The following NRG3 variants were observed in gnomAD, a reference collection of about 807,000 sequenced individuals.
The protein encoded by NRG3 is neuregulin 3.
A neutral mutation model predicts 66.9 loss-of-function variants in NRG3; 31 were observed. The observed-to-expected ratio is 0.46, with a 90% CI of 0.35 to 0.63. The LOEUF is 0.63. Among genes scored for constraint, NRG3 ranks in the 20% least tolerant of loss-of-function variants. NRG3 has a pLI of 0.00. For synonymous variants in NRG3, 393 were observed against 359.4 expected, an observed-to-expected ratio of 1.09 and a Z score of -1.06; for missense variants, 910 against 878.9, an observed-to-expected ratio of 1.04 and a Z score of -0.45.
intron 8 of NRG3, among the ~76,000 whole-genome samples, chr10:82,981,900 T>C (rs17688842): frequency 0.34 from 51,226 of 152,100 alleles, 9,139 homozygotes; most frequent in Middle Eastern, 0.41. Flanking sequence ...CAAAATGTAC[T>C]GAATACCTAC....
At chr10:82,432,584 T>G (rs2089893190) in intron 2 of NRG3, among the ~76,000 whole-genome samples, 1 of 151,512 alleles carries the variant, frequency 6.6e-6, no homozygotes, top group Non-Finnish European at 1.5e-5. Context: ...TTGCTGCACC[T>G]ACTGGCCCGT....
intron 1 of NRG3, among the ~76,000 whole-genome samples, chr10:82,213,011 C>T (rs189563131): frequency 2.6e-5 from 4 of 152,260 alleles, no homozygotes; most frequent in Admixed American, 6.5e-5. Flanking sequence ...GCCCTACTTT[C>T]GGTTCCCAGG....
In NRG3 at chr10:82,350,547, G is replaced by A. The variant is rs568598267; in HGVS notation, c.824-8192G>A. Among the ~76,000 whole-genome samples the A allele has an allele frequency of 8.5e-5, 13 of 152,306 alleles. No homozygotes were observed. In the Middle Eastern group the frequency reaches 0.01, roughly 120 times the overall value. ...ATACTTTCAGCCACTTCTAACCTGA[G>A]GAGCTAGGGAAAACTTCAGTATGTG... On this transcript the variant is annotated intron_variant, in intron 1 of 8. Coordinates refer to ENST00000372141, the MANE Select transcript of NRG3 (RefSeq NM_001010848.4).
At chr10:82,733,743 C>T (rs1371896439) in intron 2 of NRG3, among the ~76,000 whole-genome samples, 3 of 152,236 alleles carry the variant, frequency 2.0e-5, no homozygotes, top group Admixed American at 2.0e-4. Context: ...GTTTTCCTAA[C>T]AAGAGGAAGA....
At chr10:82,124,742 A>AG (rs1428143105) in intron 1 of NRG3, among the ~76,000 whole-genome samples, 1 of 151,886 alleles carries the variant, frequency 6.6e-6, no homozygotes, top group East Asian at 1.9e-4. Flanking sequence ...AAAAAAAAAA[A>AG]AGTTTAACAA....
At chr10:82,040,933 C>A (rs542527898) in intron 1 of NRG3, among the ~76,000 whole-genome samples, 1 of 152,140 alleles carries the variant, frequency 6.6e-6, no homozygotes, top group African/African-American at 2.4e-5. Context: ...TTTAGACATG[C>A]CCAAAGTGAA....
intron 2 of NRG3, among the ~76,000 whole-genome samples, chr10:82,388,820 T>A (rs1589950006): frequency 6.6e-6 from 1 of 152,334 alleles, no homozygotes; most frequent in East Asian, 1.9e-4. Flanking sequence ...GTCTGAGCTG[T>A]GTCTCACAAA....
At chr10:82,032,180 G>A (rs1455885576) in intron 1 of NRG3, among the ~76,000 whole-genome samples, 1 of 151,016 alleles carries the variant, frequency 6.6e-6, no homozygotes, top group Non-Finnish European at 1.5e-5. Flanking sequence ...TTCTGTTTAA[G>A]AGTCATGATG....
intron 1 of NRG3, among the ~76,000 whole-genome samples, chr10:81,915,585 A>G (rs1457496318): frequency 6.7e-6 from 1 of 148,322 alleles, no homozygotes; most frequent in Non-Finnish European, 1.5e-5. Flanking sequence ...TGAATCCACA[A>G]GTAATAAGGA....
intron 4 of NRG3, among the ~76,000 whole-genome samples, chr10:82,917,970 G>GTATATA (rs1171736937): frequency 1.8e-4 from 20 of 114,006 alleles, no homozygotes; most frequent in African/African-American, 6.6e-4. Context: ...GTGTGTGTGT[G>GTATATA]TATATATATA....
chr10:82,414,572 A>C (rs1253642900), intron 2 of NRG3, among the ~76,000 whole-genome samples: 1 of 152,200 alleles, frequency 6.6e-6, no homozygotes, highest in Non-Finnish European at 1.5e-5. Context: ...GGTTGTCACA[A>C]ACCTTTAATT....
chr10:82,231,660 G>T (rs1683297856), intron 1 of NRG3, among the ~76,000 whole-genome samples: 1 of 152,116 alleles, frequency 6.6e-6, no homozygotes, highest in South Asian at 2.1e-4. Context: ...TTCCATAATG[G>T]AAAATCTACA....
At chr10:82,861,219 TGA>T (rs1370271811) in intron 3 of NRG3, among the ~76,000 whole-genome samples, 4 of 152,124 alleles carry the variant, frequency 2.6e-5, no homozygotes, top group Admixed American at 2.6e-4. Context: ...ATAATTTACA[TGA>T]GAGTTAACTT....
chr10:82,462,056 G>T (rs1387161738), intron 2 of NRG3, among the ~76,000 whole-genome samples: 1 of 152,118 alleles, frequency 6.6e-6, no homozygotes, highest in East Asian at 1.9e-4. Flanking sequence ...GTTTGAACCC[G>T]GGAGGCGGAG....
At position 82,053,027 on chromosome 10, in the gene NRG3, GT is replaced by G. The variant is rs1178559275; in HGVS notation, c.823+176869del. On this transcript the variant is annotated intron_variant, in intron 1 of 8. Transcript: ENST00000372141. ...AAATTTATTAATTCATTTATCAAAT[GT>G]TTTTATTCATTCATTTATCAAATTA... Among the ~76,000 whole-genome samples the G allele has an allele frequency of 2.0e-5, 3 of 146,770 alleles. No individual in the cohort carries two copies. The Admixed American group carries it at 2.1e-4, about 10-fold the overall frequency.
At chr10:82,590,227 A>T (rs1479074791) in intron 2 of NRG3, among the ~76,000 whole-genome samples, 2 of 152,216 alleles carry the variant, frequency 1.3e-5, no homozygotes, top group Non-Finnish European at 2.9e-5. Context: ...TAGCTCTAGC[A>T]AAACTTAACG....
chr10:82,006,816 C>A (rs1308062308), intron 1 of NRG3, among the ~76,000 whole-genome samples: 2 of 152,142 alleles, frequency 1.3e-5, no homozygotes, highest in African/African-American at 2.4e-5. Context: ...AAACTATATA[C>A]ACTGTTTAAT....
intron 4 of NRG3, among the ~76,000 whole-genome samples, chr10:82,871,598 A>G (rs1204975351): frequency 1.3e-5 from 2 of 152,050 alleles, no homozygotes; most frequent in Non-Finnish European, 2.9e-5. Context: ...TAAGTCTTTC[A>G]TTAGTGTTTT....
intron 2 of NRG3, among the ~76,000 whole-genome samples, chr10:82,699,676 G>C (rs571380230): frequency 2.2e-4 from 34 of 152,176 alleles, no homozygotes; most frequent in Admixed American, 1.4e-3. Flanking sequence ...TTGATGCAGA[G>C]AGACTGTCTC....
Sources: gnomAD v4.1 joint callset for allele counts (sites outside exome capture counted in the v4.1 genomes callset) on GRCh38, gnomAD v4.1.1 for gene constraint, MANE v1.5 for transcripts, NCBI Gene and HGNC (gene_info 2026-07-23, HGNC 2026-07-21) for gene names.